Variants in PCED1B observed in about 807,000 individuals in gnomAD.
The protein encoded by PCED1B is PC-esterase domain-containing protein 1B.
For missense variants in PCED1B, 573 were observed against 573.9 expected (o/e 1.00, Z 0.02); for synonymous variants, 251 against 246.1 (o/e 1.02, Z -0.19).
chr12:47,131,285 C>T (rs1565767036), intron 2 of PCED1B, among the ~76,000 whole-genome samples: 1 of 152,210 alleles, frequency 6.6e-6, no homozygotes, highest in East Asian at 1.9e-4. Context: ...CACCCGCCCA[C>T]TCCAATCCTT....
chr12:47,197,835 C>A (rs1355606668), intron 2 of PCED1B, among the ~76,000 whole-genome samples: 1 of 151,802 alleles, frequency 6.6e-6, no homozygotes, highest in Non-Finnish European at 1.5e-5. Context: ...TCTACTGAAA[C>A]CCACACAAAG....
intron 2 of PCED1B, among the ~76,000 whole-genome samples, chr12:47,203,073 G>T (rs1367247332): frequency 6.7e-6 from 1 of 150,354 alleles, no homozygotes; most frequent in Non-Finnish European, 1.5e-5. Context: ...AGATTCAAAA[G>T]ATTCTCCTGC....
chr12:47,202,224 T>C (rs1175706837), intron 2 of PCED1B, among the ~76,000 whole-genome samples: 1 of 152,210 alleles, frequency 6.6e-6, no homozygotes, highest in Non-Finnish European at 1.5e-5. Flanking sequence ...ATATTTGCAA[T>C]GACAGGGAGT....
intron 1 of PCED1B, among the ~76,000 whole-genome samples, chr12:47,100,465 C>A (rs1938654939): frequency 6.6e-6 from 1 of 152,150 alleles, no homozygotes; most frequent in Admixed American, 6.5e-5. Flanking sequence ...ATTAGGAATT[C>A]TTGCATTTAA....
At chr12:47,182,764 G>T (rs898862857) in intron 2 of PCED1B, among the ~76,000 whole-genome samples, 6 of 152,114 alleles carry the variant, frequency 3.9e-5, no homozygotes, top group Non-Finnish European at 7.3e-5. Context: ...GCTAGTAACA[G>T]TTGAGCTGCA....
chr12:47,166,815 G>T (rs548606231), intron 2 of PCED1B, among the ~76,000 whole-genome samples: 1 of 152,106 alleles, frequency 6.6e-6, no homozygotes, highest in African/African-American at 2.4e-5. Context: ...CCCCTCTTAG[G>T]TTCATTGGCT....
chr12:47,226,938 A>T (rs1388683068), intron 3 of PCED1B, among the ~76,000 whole-genome samples: 1 of 152,024 alleles, frequency 6.6e-6, no homozygotes, highest in Admixed American at 6.6e-5. Context: ...GAGAAGGTTT[A>T]TGTCTCCAAA....
intron 2 of PCED1B, among the ~76,000 whole-genome samples, chr12:47,201,211 T>C (rs1942753616): frequency 6.6e-6 from 1 of 152,172 alleles, no homozygotes; most frequent in Admixed American, 6.5e-5. Context: ...GGATAAATGG[T>C]TACAGGAAAG....
At chr12:47,080,957 G>A (rs1036266710) in intron 1 of PCED1B, among the ~76,000 whole-genome samples, 1 of 152,138 alleles carries the variant, frequency 6.6e-6, no homozygotes. Context: ...CATCCCTTCC[G>A]GAGATGCCGC....
intron 1 of PCED1B, among the ~76,000 whole-genome samples, chr12:47,090,666 C>T (rs1168298006): frequency 1.3e-5 from 2 of 152,098 alleles, no homozygotes; most frequent in African/African-American, 4.8e-5. Flanking sequence ...TAGATTAGCT[C>T]ACCTGTTTTT....
At chr12:47,087,282 T>A (rs550958933) in intron 1 of PCED1B, among the ~76,000 whole-genome samples, 2 of 152,332 alleles carry the variant, frequency 1.3e-5, no homozygotes, top group Admixed American at 6.5e-5. Context: ...TTAATTCTTA[T>A]AAAGGGCTTC....
chr12:47,147,028 T>G (rs953333795), intron 2 of PCED1B, among the ~76,000 whole-genome samples: 30 of 122,962 alleles, frequency 2.4e-4, no homozygotes, highest in African/African-American at 8.9e-4. Flanking sequence ...TGAGATGGAG[T>G]CTTGCTCTGT....
intron 2 of PCED1B, among the ~76,000 whole-genome samples, chr12:47,200,035 C>CA (rs57630081): frequency 0.057 from 8,601 of 151,834 alleles, 743 homozygotes; most frequent in African/African-American, 0.19. Flanking sequence ...CACTACAATA[C>CA]AAAAAAATAT....
At chr12:47,160,599 G>A (rs1941346750) in intron 2 of PCED1B, among the ~76,000 whole-genome samples, 1 of 151,982 alleles carries the variant, frequency 6.6e-6, no homozygotes, top group African/African-American at 2.4e-5. Context: ...GTATGTATGA[G>A]CCACAATACC....
intron 1 of PCED1B, among the ~76,000 whole-genome samples, chr12:47,083,242 C>T (rs1405207198): frequency 6.6e-6 from 1 of 151,834 alleles, no homozygotes; most frequent in Non-Finnish European, 1.5e-5. Context: ...CACTTTATGT[C>T]CTAAGAAGGG....
chr12:47,157,063 T>C (rs1207176824), intron 2 of PCED1B, among the ~76,000 whole-genome samples: 1 of 152,144 alleles, frequency 6.6e-6, no homozygotes, highest in Admixed American at 6.6e-5. Context: ...ACCATGTCTT[T>C]TATTTTTGCA....
chr12:47,162,447 A>G (rs2137511299), intron 2 of PCED1B, among the ~76,000 whole-genome samples: 1 of 152,320 alleles, frequency 6.6e-6, no homozygotes, highest in South Asian at 2.1e-4. Flanking sequence ...AGTGTGTACA[A>G]GAAGTTTACT....
At chr12:47,181,456 C>T (rs1285332136) in intron 2 of PCED1B, among the ~76,000 whole-genome samples, 1 of 151,616 alleles carries the variant, frequency 6.6e-6, no homozygotes, top group African/African-American at 2.4e-5. Context: ...TGCAACCTCC[C>T]AGGTTCAAGT....
At chr12:47,110,244 G>A (rs1156636462) in intron 2 of PCED1B, among the ~76,000 whole-genome samples, 1 of 152,170 alleles carries the variant, frequency 6.6e-6, no homozygotes, top group Non-Finnish European at 1.5e-5. Flanking sequence ...TAATCCAGAG[G>A]ACAGCCAGCA....
Sources: allele counts gnomAD v4.1 joint callset (sites outside exome capture counted in the v4.1 genomes callset), GRCh38; gene constraint gnomAD v4.1.1; transcripts MANE v1.5; gene names NCBI Gene and HGNC (gene_info 2026-07-23, HGNC 2026-07-21).